The following DHRSX variants were observed in gnomAD, a reference collection of about 807,000 sequenced individuals.
DHRSX encodes polyprenol dehydrogenase.
Under a neutral mutation model 34.0 loss-of-function variants are expected in DHRSX, and 31 were observed. That is an observed-to-expected ratio of 0.91 (90% CI 0.69 to 1.23). DHRSX has a LOEUF of 1.23. DHRSX is among the 50% of genes most tolerant of loss of function. The pLI, the probability that DHRSX is intolerant of heterozygous loss-of-function variation, is 0.00. For synonymous variants in DHRSX, 201 were observed against 183.8 expected, an observed-to-expected ratio of 1.09 and a Z score of -0.76; for missense variants, 414 against 428.1, an observed-to-expected ratio of 0.97 and a Z score of 0.29.
At chrX:2,275,483 C>T (rs1011337169) in intron 4 of DHRSX, among the ~76,000 whole-genome samples, 15 of 148,816 alleles carry the variant, frequency 1.0e-4, no homozygotes, top group East Asian at 5.9e-4. Flanking sequence ...ACTCCAGCCC[C>T]GGCCGACAAC....
chrX:2,335,657 T>C (rs2042550219), intron 3 of DHRSX, among the ~76,000 whole-genome samples: 1 of 151,982 alleles, frequency 6.6e-6, no homozygotes, highest in African/African-American at 2.4e-5. Context: ...CTTCATCATA[T>C]AGGCCAGGAT....
chrX:2,393,733 T>TCC (rs2043371326), intron 3 of DHRSX, among the ~76,000 whole-genome samples: 1 of 73,770 alleles, frequency 1.4e-5, no homozygotes, highest in Non-Finnish European at 2.9e-5. Context: ...CCCCGTCTCC[T>TCC]GCACACACGA....
intron 5 of DHRSX, among the ~76,000 whole-genome samples, chrX:2,251,504 T>C (rs1291168722): frequency 2.0e-5 from 3 of 152,156 alleles, no homozygotes; most frequent in African/African-American, 7.2e-5. Context: ...TCCAAGGTGC[T>C]GGCCAATCGG....
intron 4 of DHRSX, among the ~76,000 whole-genome samples, chrX:2,289,749 C>G (rs1469178474): frequency 6.6e-6 from 1 of 152,178 alleles, no homozygotes; most frequent in Non-Finnish European, 1.5e-5. Context: ...AAAGGAAGTC[C>G]ACACCCAGTG....
At chrX:2,405,862 C>T (rs2043547261) in intron 3 of DHRSX, among the ~76,000 whole-genome samples, 1 of 150,784 alleles carries the variant, frequency 6.6e-6, no homozygotes, top group African/African-American at 2.4e-5. Flanking sequence ...ATTCTCAAAA[C>T]ACCATCTCAA....
chrX:2,230,076 T>G (rs1350383931), intron 6 of DHRSX, among the ~76,000 whole-genome samples: 1 of 152,182 alleles, frequency 6.6e-6, no homozygotes, highest in Non-Finnish European at 1.5e-5. Context: ...TTTGCACGTG[T>G]ATATGTGCAT....
At chrX:2,454,751 G>T (rs776734931) in intron 1 of DHRSX, among the ~76,000 whole-genome samples, 1 of 152,022 alleles carries the variant, frequency 6.6e-6, no homozygotes, top group African/African-American at 2.4e-5. Flanking sequence ...ACCTCAAAAC[G>T]ACGTCATGTA....
intron 4 of DHRSX, among the ~76,000 whole-genome samples, chrX:2,272,824 T>G (rs896500191): frequency 7.9e-5 from 12 of 152,186 alleles, no homozygotes; most frequent in African/African-American, 2.9e-4. Flanking sequence ...CAGAACTGCC[T>G]ACATTCCTGT....
At chrX:2,455,647 G>A (rs150488342) in intron 1 of DHRSX, among the ~76,000 whole-genome samples, 16 of 151,112 alleles carry the variant, frequency 1.1e-4, no homozygotes, top group African/African-American at 3.2e-4. Flanking sequence ...AGGCTGATGC[G>A]GGAGAATCCC....
intron 1 of DHRSX, among the ~76,000 whole-genome samples, chrX:2,432,121 G>C (rs1833750828): frequency 1.3e-5 from 2 of 152,092 alleles, no homozygotes; most frequent in Non-Finnish European, 2.9e-5. Context: ...TTGAACCCGG[G>C]AGGTGGAGCT....
At chrX:2,446,728 C>G (rs1192379557) in intron 1 of DHRSX, among the ~76,000 whole-genome samples, 1 of 151,830 alleles carries the variant, frequency 6.6e-6, no homozygotes, top group Non-Finnish European at 1.5e-5. Flanking sequence ...AAGAATGTGG[C>G]CAAGGGATCG....
chrX:2,405,828 T>A (rs1323766989), intron 3 of DHRSX, among the ~76,000 whole-genome samples: 3 of 149,454 alleles, frequency 2.0e-5, no homozygotes, highest in Non-Finnish European at 3.0e-5. Flanking sequence ...AGAATCAAAA[T>A]ACACCCATCC....
rs149606388 is a variant in DHRSX at position 2,307,416 on chromosome X, A to G, written c.287-15813T>C. ...TGAAGCGTGAACCGCAGCACTACAC[A>G]ATGTATCTTACAACAAAGCTGCACG... On this transcript the variant is annotated intron_variant, in intron 3 of 6. Coordinates refer to ENST00000334651, the MANE Select transcript of DHRSX (RefSeq NM_145177.3). Among the ~76,000 whole-genome samples the G allele has an allele frequency of 3.8e-3, 582 of 152,246 alleles. 14 individuals are homozygous for G. The highest frequency in any genetic ancestry group is 0.034 in the Admixed American group (523 of 15,266).
At chrX:2,315,346 C>G (rs1165606659) in intron 3 of DHRSX, among the ~76,000 whole-genome samples, 1 of 152,020 alleles carries the variant, frequency 6.6e-6, no homozygotes, top group Non-Finnish European at 1.5e-5. Flanking sequence ...ACGTGGGGTA[C>G]AGGGTGAGAA....
At chrX:2,462,616 C>T (rs189919802) in intron 1 of DHRSX, among the ~76,000 whole-genome samples, 11 of 152,114 alleles carry the variant, frequency 7.2e-5, no homozygotes, top group South Asian at 2.1e-4. Context: ...AACTTTCAGG[C>T]AATTTCCACA....
chrX:2,235,665 C>T (rs1463293886), intron 6 of DHRSX, among the ~76,000 whole-genome samples: 1 of 141,540 alleles, frequency 7.1e-6, no homozygotes, highest in South Asian at 2.2e-4. Context: ...ATGGCTTGAA[C>T]CCGGGAGGCA....
At chrX:2,265,568 T>TGTCCCCAGAGCACCAGTGTACAGCAGAC (rs1569481711) in intron 5 of DHRSX, among the ~76,000 whole-genome samples, 6 of 54,536 alleles carry the variant, frequency 1.1e-4, no homozygotes, top group African/African-American at 1.3e-4. Context: ...GCTCAGCAGA[T>TGTCCCCAGAGCACCAGTGTACAGCAGAC]GCAGGGAGCA....
In DHRSX at chrX:2,317,256, C is replaced by CTTTTTTT. The variant is rs779722860; in HGVS notation, c.287-25660_287-25654dup. Among the ~76,000 whole-genome samples, 15 of 87,432 alleles carry CTTTTTTT rather than the reference C, an allele frequency of 1.7e-4. 3 individuals carry two copies. Among genetic ancestry groups the CTTTTTTT allele is most frequent in the African/African-American group, 5.5e-4 (10 of 18,164 alleles). The allele number at this position is 87,432 out of a possible 152,430, so 57.4% of individuals were successfully genotyped here. A position where few individuals can be genotyped will look rare whatever the true frequency, so the allele number is the denominator to read the frequency against. On this transcript the variant is annotated intron_variant, in intron 3 of 6. Transcript: ENST00000334651. ...TACAGGCGTGAGCCACCGCGCCTGG[C>CTTTTTTT]TTTTTTTTTTTTTGAGACAGAGTCT...
chrX:2,472,277 A>T (rs1188172041), intron 1 of DHRSX, among the ~76,000 whole-genome samples: 4 of 152,112 alleles, frequency 2.6e-5, no homozygotes, highest in Non-Finnish European at 5.9e-5. Context: ...ACAGCTAAAC[A>T]TTGGGCACTG....
Sources: allele counts gnomAD v4.1 joint callset (sites outside exome capture counted in the v4.1 genomes callset), GRCh38; gene constraint gnomAD v4.1.1; transcripts MANE v1.5; gene names NCBI Gene and HGNC (gene_info 2026-07-23, HGNC 2026-07-21).